ANOS1: variants seen among roughly 807,000 people sequenced by gnomAD.
The protein encoded by ANOS1 is anosmin-1.
A neutral mutation model predicts 59.0 loss-of-function variants in ANOS1; 6 were observed. That is an observed-to-expected ratio of 0.10 (90% CI 0.06 to 0.20). ANOS1 has a LOEUF of 0.20. ANOS1 is among the 10% of genes least tolerant of loss of function. The pLI is 1.00. For synonymous variants in ANOS1, 217 were observed against 223.4 expected, an observed-to-expected ratio of 0.97 and a Z score of 0.25; for missense variants, 433 against 542.3, an observed-to-expected ratio of 0.80 and a Z score of 2.00.
chrX:8,664,466 T>C (rs1444957353), intron 2 of ANOS1, among the ~76,000 whole-genome samples: 4 of 110,736 alleles, frequency 3.6e-5, no homozygotes, highest in African/African-American at 1.3e-4. Context: ...GTGCTGGGAT[T>C]ACAGGTGTGA....
At chrX:8,607,747 A>T (rs1483041614) in intron 3 of ANOS1, among the ~76,000 whole-genome samples, 1 of 111,879 alleles carries the variant, frequency 8.9e-6, no homozygotes. Flanking sequence ...TTATATACTG[A>T]TTTATAGACC....
In ANOS1 at chrX:8,552,148, G is replaced by C. The variant is rs141122173; in HGVS notation, c.1354+1804C>G. On this transcript the variant is annotated intron_variant, in intron 9 of 13. Coordinates refer to ENST00000262648, the MANE Select transcript of ANOS1 (RefSeq NM_000216.4). ...AAATGCGAATTCAAATAACAATGAG[G>C]TATCACTATGAACATACCAGAAAGG... is the stretch of plus-strand genomic sequence containing the variant. Among the ~76,000 whole-genome samples, 418 of 112,247 alleles carry C rather than the reference G, an allele frequency of 3.7e-3. 2 individuals are homozygous for C. Among genetic ancestry groups the C allele is most frequent in the African/African-American group, 0.013 (403 of 30,909 alleles).
At chrX:8,594,667 T>TATGC (rs1930686475) in intron 4 of ANOS1, among the ~76,000 whole-genome samples, 2 of 24,152 alleles carry the variant, frequency 8.3e-5, no homozygotes, top group South Asian at 4.0e-3. Flanking sequence ...TGTATATATA[T>TATGC]ATATATATAT....
At chrX:8,730,580 ACCCC>A (rs61212461) in intron 1 of ANOS1, among the ~76,000 whole-genome samples, 1 of 79,360 alleles carries the variant, frequency 1.3e-5, no homozygotes, top group Non-Finnish European at 2.5e-5. Flanking sequence ...CTCTAGGGGG[ACCCC>A]CCCCCCCACC....
At chrX:8,677,855 T>C (rs1231381056) in intron 2 of ANOS1, among the ~76,000 whole-genome samples, 2 of 111,745 alleles carry the variant, frequency 1.8e-5, no homozygotes, top group Non-Finnish European at 3.8e-5. Context: ...AATAATAAAA[T>C]GGAGGAGGGG....
chrX:8,580,655 C>T lies in ANOS1; in HGVS notation c.856+4612G>A, dbSNP rs752053708. 2.7e-5 allele frequency among the ~76,000 whole-genome samples: 3 copies of T among 112,020 alleles called. No homozygotes were observed. The Admixed American group carries it at 2.8e-4, about 11-fold the overall frequency. The stretch of plus-strand genomic sequence containing the variant: ...AAAATAACTATAAAGAAGATAAGGA[C>T]AAGAAGTTTGGCTTTTCCATGAAAA... On this transcript the variant is annotated intron_variant, in intron 6 of 13. Coordinates refer to ENST00000262648, the MANE Select transcript of ANOS1 (RefSeq NM_000216.4).
intron 1 of ANOS1, among the ~76,000 whole-genome samples, chrX:8,721,090 G>A (rs901153190): frequency 7.2e-5 from 8 of 111,497 alleles, no homozygotes; most frequent in African/African-American, 2.0e-4. Flanking sequence ...ACCACCAGTC[G>A]GGATGGTGTT....
chrX:8,661,822 G>A (rs5933677), intron 2 of ANOS1, among the ~76,000 whole-genome samples: 31,341 of 109,978 alleles, frequency 0.28, 3,372 homozygotes, highest in East Asian at 0.42. Context: ...ACAGCATCGC[G>A]TTTCAACTAG....
chrX:8,684,891 G>C (rs1366667515), intron 2 of ANOS1, among the ~76,000 whole-genome samples: 2 of 110,488 alleles, frequency 1.8e-5, no homozygotes, highest in Non-Finnish European at 3.8e-5. Context: ...CCCCAAGGAA[G>C]ATCTCGGGAA....
chrX:8,693,625 A>C (rs1411528997), intron 2 of ANOS1, among the ~76,000 whole-genome samples: 1 of 110,967 alleles, frequency 9.0e-6, no homozygotes, highest in African/African-American at 3.3e-5. Flanking sequence ...GAAAAAGCAG[A>C]AATGGATTCT....
chrX:8,606,776 T>G (rs1050649594), intron 3 of ANOS1, among the ~76,000 whole-genome samples: 4 of 112,545 alleles, frequency 3.6e-5, no homozygotes, highest in African/African-American at 1.3e-4. Context: ...TACTTTTCTG[T>G]GCGGTTTATT....
chrX:8,641,038 T>C (rs957254522), intron 2 of ANOS1, among the ~76,000 whole-genome samples: 12 of 112,418 alleles, frequency 1.1e-4, no homozygotes, highest in Non-Finnish European at 1.5e-4. Context: ...TCAGCCTATA[T>C]GCAAGAAGAA....
Position 8,545,409 on chromosome X carries a change from AAGGC to A in ANOS1, c.1355-5655_1355-5652del, listed in dbSNP as rs1555982858. On this transcript the variant is annotated intron_variant, in intron 9 of 13. Coordinates refer to ENST00000262648, the MANE Select transcript of ANOS1 (RefSeq NM_000216.4). ...GAAGGAAGGAAGGAAGGAAGGAAGG[AAGGC>A]AGGCAGGCAGGCAGGCAGGCCAGAA... Among the ~76,000 whole-genome samples the A allele has an allele frequency of 9.0e-3, 941 of 104,615 alleles. 13 individuals carry two copies. The highest frequency in any genetic ancestry group is 0.031 in the African/African-American group (884 of 28,709). 90.8% of individuals were successfully genotyped at this position (104,615 alleles called of 115,157 possible).
rs143494616 is a variant in ANOS1 at position 8,672,935 on chromosome X, G to A, written c.255+26763C>T. Among the ~76,000 whole-genome samples, 610 of 111,359 alleles carry A rather than the reference G, an allele frequency of 5.5e-3. 2 individuals are homozygous for A. Among genetic ancestry groups the A allele is most frequent in the African/African-American group, 0.019 (580 of 30,624 alleles). On this transcript the variant is annotated intron_variant, in intron 2 of 13. Coordinates refer to ENST00000262648, the MANE Select transcript of ANOS1 (RefSeq NM_000216.4). ...CCCAGGAAAATAACAAAAGCAATAA[G>A]GAAATTAAAACTTTATCCAAGGAGC...
rs1173021674 is a variant in ANOS1, at chrX:8,729,712, TAAAAAAAA to T, written c.207+2110_207+2117del. 3.5e-3 allele frequency among the ~76,000 whole-genome samples: 223 copies of T among 63,068 alleles called. 1 individual carries two copies. The highest frequency in any genetic ancestry group is 9.9e-3 in the African/African-American group (168 of 16,968). The allele number at this position is 63,068 out of a possible 115,157, so 54.8% of individuals were successfully genotyped here. A position where few individuals can be genotyped will look rare whatever the true frequency, so the allele number is the denominator to read the frequency against. On this transcript the variant is annotated intron_variant, in intron 1 of 13. Coordinates refer to ENST00000262648, the MANE Select transcript of ANOS1 (RefSeq NM_000216.4). ...CCCGGCCCATCTTCCTTCTAATTATTAAAAAAAAAAAAAAAAAAAAAAAAAAAGGAAGG... is the reference window on the plus strand; with the variant it reads ...CCCGGCCCATCTTCCTTCTAATTATTAAAAAAAAAAAAAAAAAAAGGAAGG...
chrX:8,668,084 A>G (rs996936045), intron 2 of ANOS1, among the ~76,000 whole-genome samples: 14 of 108,590 alleles, frequency 1.3e-4, no homozygotes, highest in Admixed American at 8.9e-4. Context: ...ATTTGGTTAC[A>G]TGAGTAAGTT....
chrX:8,629,407 C>T lies in ANOS1; in HGVS notation c.256-5737G>A, dbSNP rs1931449588. Among the ~76,000 whole-genome samples, 3 of 111,377 alleles carry T rather than the reference C, an allele frequency of 2.7e-5. No individual in the cohort carries two copies. In the South Asian group the frequency reaches 1.1e-3, roughly 42 times the overall value. ...GCACACTCAAATAAAGGGTATTTTC[C>T]ATGATAAAGCACTTTATGCCACTTG... is the stretch of plus-strand genomic sequence containing the variant. On this transcript the variant is annotated intron_variant, in intron 2 of 13. Coordinates refer to ENST00000262648, the MANE Select transcript of ANOS1 (RefSeq NM_000216.4).
intron 3 of ANOS1, among the ~76,000 whole-genome samples, chrX:8,612,551 G>GTTTTT (rs60402454): frequency 1.5e-3 from 93 of 60,829 alleles, no homozygotes; most frequent in African/African-American, 4.9e-3. Flanking sequence ...AAAACAAGAA[G>GTTTTT]TTTTTTTTTT....
chrX:8,645,174 C>T (rs1273102697), intron 2 of ANOS1, among the ~76,000 whole-genome samples: 1 of 112,570 alleles, frequency 8.9e-6, no homozygotes, highest in East Asian at 2.8e-4. Context: ...ACACATGCCC[C>T]TCAATAGGCA....
Sources: allele counts gnomAD v4.1 joint callset (sites outside exome capture counted in the v4.1 genomes callset), GRCh38; gene constraint gnomAD v4.1.1; transcripts MANE v1.5; gene names NCBI Gene and HGNC (gene_info 2026-07-23, HGNC 2026-07-21).